Variants in DMD observed in about 807,000 individuals in gnomAD.
The protein encoded by DMD is mutant dystrophin.
In DMD, 63 loss-of-function variants were observed where a neutral mutation model predicts 330.1. The observed-to-expected ratio is 0.19, with a 90% confidence interval of 0.16 to 0.24. DMD has a LOEUF of 0.24. Ranked by LOEUF, DMD falls within the 10% of genes least tolerant of loss-of-function variation. The pLI is 1.00. For synonymous variants in DMD, 1,223 were observed against 959.8 expected (o/e 1.27, Z -5.07); for missense variants, 3,344 against 2,684.1 (o/e 1.25, Z -5.43).
rs753970786 is a variant in DMD, at chrX:32,283,129, G to C, written c.6290+4400C>G. Reference sequence around the variant, plus strand: ...TCACTGACCCTTCATCTTAGGTCCAGAGCAAAGACATATATAGCAGACCTT... The same window carrying C: ...TCACTGACCCTTCATCTTAGGTCCACAGCAAAGACATATATAGCAGACCTT... On this transcript the variant is annotated intron_variant, in intron 43 of 78. Coordinates refer to ENST00000357033, the MANE Select transcript of DMD (RefSeq NM_004006.3). Among the ~76,000 whole-genome samples, 11 of 111,511 alleles carry C rather than the reference G, an allele frequency of 9.9e-5. No homozygotes were observed. The South Asian group carries it at 4.2e-3, about 42-fold the overall frequency.
At chrX:32,065,355 C>T (rs1349914437) in intron 44 of DMD, among the ~76,000 whole-genome samples, 6 of 111,119 alleles carry the variant, frequency 5.4e-5, no homozygotes. Flanking sequence ...TATTACACTC[C>T]GTATTTCTCT....
At chrX:31,705,981 C>T (rs1277741864) in intron 52 of DMD, among the ~76,000 whole-genome samples, 4 of 111,511 alleles carry the variant, frequency 3.6e-5, no homozygotes, top group Non-Finnish European at 5.7e-5. Context: ...TTCTTACTTT[C>T]AAGGCAGAAG....
chrX:32,399,458 T>C (rs780046949), intron 30 of DMD, among the ~76,000 whole-genome samples: 3 of 111,554 alleles, frequency 2.7e-5, no homozygotes, highest in East Asian at 5.6e-4. Context: ...AGAAGATAAA[T>C]GACAAACGGG....
At chrX:31,389,954 C>G (rs1168947514) in intron 60 of DMD, among the ~76,000 whole-genome samples, 1 of 111,693 alleles carries the variant, frequency 9.0e-6, no homozygotes, top group Admixed American at 9.6e-5. Flanking sequence ...GCCCTCATGA[C>G]AGCTGAGCCA....
At chrX:32,622,895 G>A (rs991719621) in intron 11 of DMD, among the ~76,000 whole-genome samples, 1 of 111,762 alleles carries the variant, frequency 8.9e-6, no homozygotes, top group African/African-American at 3.3e-5. Context: ...AACCAATGTT[G>A]CTGGGTCATG....
intron 9 of DMD, among the ~76,000 whole-genome samples, chrX:32,655,918 T>C (rs2060533974): frequency 9.0e-6 from 1 of 111,569 alleles, no homozygotes; most frequent in African/African-American, 3.3e-5. Flanking sequence ...TCTTTTGATC[T>C]TTGTTGGTCT....
intron 51 of DMD, among the ~76,000 whole-genome samples, chrX:31,756,841 C>A (rs2089143524): frequency 8.9e-6 from 1 of 111,956 alleles, no homozygotes; most frequent in Non-Finnish European, 1.9e-5. Flanking sequence ...AATGCTATGT[C>A]TTTAAGCATT....
At position 32,364,755 on chromosome X, in the gene DMD, A is replaced by G. The variant is rs202187025; in HGVS notation, c.5026-45T>C. The G allele has an allele frequency of 3.4e-4, 395 of 1,173,549 alleles. No individual in the cohort carries two copies. The highest frequency in any genetic ancestry group is 2.8e-3 in the Middle Eastern group (12 of 4,257). ...ACCATGGCATTATTGGTTAGACAAT[A>G]TTCTTAAAGAATTTTTCCTATGTTC... On this transcript the variant is annotated intron_variant, in intron 35 of 78. Coordinates refer to ENST00000357033, the MANE Select transcript of DMD (RefSeq NM_004006.3).
intron 7 of DMD, among the ~76,000 whole-genome samples, chrX:32,737,621 C>T (rs973972956): frequency 5.4e-5 from 6 of 111,848 alleles, no homozygotes; most frequent in African/African-American, 1.9e-4. Flanking sequence ...AAACATGTAT[C>T]TGTGGCAGAA....
chrX:32,677,262 G>T (rs1370784792), intron 9 of DMD, among the ~76,000 whole-genome samples: 1 of 111,018 alleles, frequency 9.0e-6, no homozygotes, highest in Non-Finnish European at 1.9e-5. Flanking sequence ...TTAATGTATT[G>T]TAAAAATATG....
chrX:31,376,198 A>C, intron 60 of DMD, among the ~76,000 whole-genome samples: 1 of 112,320 alleles, frequency 8.9e-6, no homozygotes, highest in Middle Eastern at 4.6e-3. Flanking sequence ...CTCTAACAAA[A>C]CAGATCTCTT....
At chrX:32,584,357 A>C (rs962427099) in intron 13 of DMD, among the ~76,000 whole-genome samples, 2 of 111,574 alleles carry the variant, frequency 1.8e-5, no homozygotes, top group South Asian at 7.4e-4. Context: ...ACTTTGGAAA[A>C]CCCTTTGTTA....
At chrX:32,342,010 A>AT in intron 41 of DMD, 90 bp downstream of exon 41, 1 of 946,842 alleles carries the variant, frequency 1.1e-6, no homozygotes, top group African/African-American at 2.0e-5. Flanking sequence ...CTGTACCCAG[A>AT]TTTTTTGTCT....
chrX:32,677,896 T>G (rs2062082571), intron 9 of DMD, among the ~76,000 whole-genome samples: 1 of 111,818 alleles, frequency 8.9e-6, no homozygotes, highest in Non-Finnish European at 1.9e-5. Context: ...ATGTGGTAAA[T>G]ACATACAATG....
chrX:32,552,647 G>A (rs752787054), intron 16 of DMD, among the ~76,000 whole-genome samples: 16 of 111,899 alleles, frequency 1.4e-4, no homozygotes, highest in Non-Finnish European at 2.8e-4. Flanking sequence ...CCTGCAGAAT[G>A]GGAGAAAAAT....
At chrX:31,268,713 A>C (rs190093928) in intron 62 of DMD, among the ~76,000 whole-genome samples, 1 of 112,334 alleles carries the variant, frequency 8.9e-6, no homozygotes, top group African/African-American at 3.2e-5. Context: ...AAATCACTTA[A>C]CTACTGTTTA....
At position 32,628,258 on chromosome X, in the gene DMD, ATTTTTTTTTTTTTTTTTTTTT is replaced by A. The variant is rs1170760390; in HGVS notation, c.1332-13826_1332-13806del. On this transcript the variant is annotated intron_variant, in intron 11 of 78. Coordinates refer to ENST00000357033, the MANE Select transcript of DMD (RefSeq NM_004006.3). ...TATCTCCATGAGTTCAGTTGTTTTA[ATTTTTTTTTTTTTTTTTTTTT>A]TTTTTTTTTTTTTTTTAAGCTCTCA... is the stretch of plus-strand genomic sequence containing the variant. Among the ~76,000 whole-genome samples, 6 of 15,359 alleles carry A rather than the reference ATTTTTTTTTTTTTTTTTTTTT, an allele frequency of 3.9e-4. No individual in the cohort carries two copies. In the East Asian group the frequency reaches 6.6e-3, roughly 17 times the overall value. 13.3% of individuals were successfully genotyped at this position (15,359 alleles called of 115,157 possible).
intron 55 of DMD, among the ~76,000 whole-genome samples, chrX:31,521,217 GGT>G (rs1416965081): frequency 9.3e-6 from 1 of 107,665 alleles, no homozygotes; most frequent in Admixed American, 9.9e-5. Context: ...GGAGTGCAAT[GGT>G]GTGATCTCGG....
chrX:32,457,244 A>C (rs760286560), intron 25 of DMD, among the ~76,000 whole-genome samples: 1 of 110,992 alleles, frequency 9.0e-6, no homozygotes, highest in African/African-American at 3.3e-5. Context: ...GATGACCCTG[A>C]CAAAATCTGC....
Sources: allele counts gnomAD v4.1 joint callset (sites outside exome capture counted in the v4.1 genomes callset), GRCh38; gene constraint gnomAD v4.1.1; transcripts MANE v1.5; gene names NCBI Gene and HGNC (gene_info 2026-07-23, HGNC 2026-07-21).